CELF4: variants seen among roughly 807,000 people sequenced by gnomAD.
CELF4 encodes the protein CUGBP Elav-like family member 4, also known as CUG-BP- and ETR-3-like factor 4.
In CELF4, 18 loss-of-function variants were observed where a neutral mutation model predicts 59.9. The ratio of observed to expected loss-of-function variants is 0.30; its 90% CI spans 0.21 to 0.45. The LOEUF is 0.45. Ranked by LOEUF, CELF4 falls within the 20% of genes least tolerant of loss-of-function variation. CELF4 has a pLI of 1.00. For synonymous variants in CELF4, 261 were observed against 267.1 expected, an observed-to-expected ratio of 0.98 and a Z score of 0.22; for missense variants, 456 against 689.0, an observed-to-expected ratio of 0.66 and a Z score of 3.79.
intron 2 of CELF4, among the ~76,000 whole-genome samples, chr18:37,353,074 A>G (rs2098480656): frequency 6.6e-6 from 1 of 151,904 alleles, no homozygotes; most frequent in Non-Finnish European, 1.5e-5. Flanking sequence ...ACAAAAAATT[A>G]GCCGGGTGTG....
chr18:37,365,732 C>G (rs937081369), intron 2 of CELF4, among the ~76,000 whole-genome samples: 1 of 152,060 alleles, frequency 6.6e-6, no homozygotes, highest in African/African-American at 2.4e-5. Context: ...GTGATCCGCC[C>G]GCCTTGGCCT....
At chr18:37,335,286 G>A (rs753967395) in intron 2 of CELF4, among the ~76,000 whole-genome samples, 3 of 152,160 alleles carry the variant, frequency 2.0e-5, no homozygotes, top group Non-Finnish European at 2.9e-5. Context: ...GCCTGCAAGG[G>A]TGTCAGGCTC....
At chr18:37,286,771 C>T (rs2094822698) in intron 3 of CELF4, among the ~76,000 whole-genome samples, 2 of 152,124 alleles carry the variant, frequency 1.3e-5, no homozygotes. Context: ...ATTCCCCACA[C>T]CTGAACACTG....
chr18:37,428,987 G>A (rs1411720007), intron 2 of CELF4, among the ~76,000 whole-genome samples: 1 of 152,202 alleles, frequency 6.6e-6, no homozygotes, highest in Non-Finnish European at 1.5e-5. Flanking sequence ...TAGAGTGGTG[G>A]TTCCCAATAA....
In CELF4 at chr18:37,253,017, C is replaced by A. The variant is rs937120600; in HGVS notation, c.*44+750G>T. The stretch of plus-strand genomic sequence containing the variant: ...TTTGATGTCCTGGGGAATCTCCCCC[C>A]ATTCTTTCTGCAGGAAGAACTTTGC... On this transcript the variant is annotated intron_variant, in intron 12 of 12. Transcript: ENST00000420428. This position sits in a 1 kb window ranked among gnomAD's most constrained non-coding sequence, Gnocchi z 4.5. Among the ~76,000 whole-genome samples the A allele has an allele frequency of 6.6e-6, 1 of 151,878 alleles. No homozygotes were observed. The highest frequency in any genetic ancestry group is 1.5e-5 in the Non-Finnish European group (1 of 68,028).
At chr18:37,303,602 A>G (rs2096215968) in intron 3 of CELF4, among the ~76,000 whole-genome samples, 1 of 152,030 alleles carries the variant, frequency 6.6e-6, no homozygotes, top group East Asian at 1.9e-4. Context: ...TGGGGAGAAA[A>G]AAAGGGAGGC....
intron 11 of CELF4, among the ~76,000 whole-genome samples, chr18:37,256,546 T>C (rs1002291327): frequency 6.6e-6 from 1 of 152,220 alleles, no homozygotes; most frequent in African/African-American, 2.4e-5. Flanking sequence ...CATGAGGGAA[T>C]GCTGAAGTTA....
rs745920694 is a variant in CELF4, at chr18:37,253,958, G to T, written c.1334-20C>A. 1.3e-6 allele frequency: 2 copies of T among 1,592,192 alleles called. No individual in the cohort carries two copies. The highest frequency in any genetic ancestry group is 1.4e-5 in the African/African-American group (1 of 72,748). The stretch of plus-strand genomic sequence containing the variant: ...CGAAGCCTGGCGAGACACGAGGGAC[G>T]AGGGCCTGGGTTTCCACGGGGCCGC... On this transcript the variant is annotated intron_variant, in intron 11 of 12. Transcript: ENST00000420428. This position sits in a 1 kb window ranked among gnomAD's most constrained non-coding sequence, Gnocchi z 4.5.
At chr18:37,428,490 C>T (rs2099628175) in intron 2 of CELF4, among the ~76,000 whole-genome samples, 1 of 152,060 alleles carries the variant, frequency 6.6e-6, no homozygotes, top group Non-Finnish European at 1.5e-5. Flanking sequence ...GCTGTGTTTC[C>T]AAGGGCGTCT....
chr18:37,381,010 C>G (rs1032514044), intron 2 of CELF4, among the ~76,000 whole-genome samples: 8 of 151,802 alleles, frequency 5.3e-5, no homozygotes, highest in Admixed American at 2.6e-4. Context: ...CACCATCCAT[C>G]CATCTATCCA....
In CELF4 at chr18:37,368,440, G is replaced by C. The variant is rs1236464983; in HGVS notation, c.370-46559C>G. Among the ~76,000 whole-genome samples the C allele has an allele frequency of 2.6e-5, 4 of 152,188 alleles. No individual in the cohort carries two copies. The East Asian group carries it at 7.7e-4, about 29-fold the overall frequency. The stretch of plus-strand genomic sequence containing the variant: ...CAGGGGCCTGATGGCTCCCCAGGGA[G>C]GGGTAGGGAGGGCACTGTCTCCCTC... On this transcript the variant is annotated intron_variant, in intron 2 of 12. Coordinates refer to ENST00000420428, the MANE Select transcript of CELF4 (RefSeq NM_020180.4).
At chr18:37,298,257 C>T (rs1051718755) in intron 3 of CELF4, among the ~76,000 whole-genome samples, 9 of 152,164 alleles carry the variant, frequency 5.9e-5, no homozygotes, top group African/African-American at 1.9e-4. Flanking sequence ...AGGATCATAG[C>T]TTTTCTCACC....
chr18:37,378,589 G>A (rs1028807383), intron 2 of CELF4, among the ~76,000 whole-genome samples: 1 of 152,196 alleles, frequency 6.6e-6, no homozygotes, highest in African/African-American at 2.4e-5. Flanking sequence ...GGCAAGTCCC[G>A]TGGAAGCATT....
At chr18:37,507,390 C>T (rs557569926) in intron 1 of CELF4, among the ~76,000 whole-genome samples, 1 of 152,316 alleles carries the variant, frequency 6.6e-6, no homozygotes, top group South Asian at 2.1e-4. Flanking sequence ...TGTCTGCTAT[C>T]TCCTCACTCA....
At chr18:37,382,147 T>C (rs1393651485) in intron 2 of CELF4, among the ~76,000 whole-genome samples, 4 of 152,226 alleles carry the variant, frequency 2.6e-5, no homozygotes, top group African/African-American at 4.8e-5. Context: ...CTGTTCTAAG[T>C]GCTTGACTTC....
chr18:37,518,177 G>C (rs1248257084), intron 1 of CELF4, among the ~76,000 whole-genome samples: 1 of 152,188 alleles, frequency 6.6e-6, no homozygotes, highest in Non-Finnish European at 1.5e-5. Context: ...CACCCCTTGG[G>C]TGGCTCCTCC....
intron 3 of CELF4, among the ~76,000 whole-genome samples, chr18:37,318,771 C>T (rs1431047428): frequency 6.6e-6 from 1 of 152,052 alleles, no homozygotes; most frequent in African/African-American, 2.4e-5. Flanking sequence ...GCCTCTGAGG[C>T]AAGTTCAGGG....
chr18:37,519,168 C>A (rs1188038544), intron 1 of CELF4, among the ~76,000 whole-genome samples: 1 of 152,184 alleles, frequency 6.6e-6, no homozygotes, highest in African/African-American at 2.4e-5. Flanking sequence ...CTTTTCATTT[C>A]TTCCTGGATA....
At chr18:37,412,316 G>A (rs2099472295) in intron 2 of CELF4, among the ~76,000 whole-genome samples, 1 of 152,220 alleles carries the variant, frequency 6.6e-6, no homozygotes, top group Admixed American at 6.5e-5. Context: ...GGTTCAATGA[G>A]AAACACATCT....
Sources: gnomAD v4.1 joint callset for allele counts (sites outside exome capture counted in the v4.1 genomes callset) on GRCh38, gnomAD v4.1.1 for gene constraint, Gnocchi (gnomAD v3.1) non-coding constraint, MANE v1.5 for transcripts, NCBI Gene and HGNC (gene_info 2026-07-23, HGNC 2026-07-21) for gene names.